Variants in RBFOX1 observed in about 807,000 individuals in gnomAD.
The protein encoded by RBFOX1 is RNA binding fox-1 homolog 1, also known as RNA binding protein fox-1 homolog 1.
In RBFOX1, 8 loss-of-function variants were observed where a neutral mutation model predicts 57.7. The ratio of observed to expected loss-of-function variants is 0.14; its 90% CI spans 0.08 to 0.25. The LOEUF is 0.25. Among genes scored for constraint, RBFOX1 ranks in the 10% least tolerant of loss-of-function variants. The pLI is 1.00. For missense variants in RBFOX1, 611 were observed against 548.5 expected, an observed-to-expected ratio of 1.11 and a Z score of -1.14; for synonymous variants, 326 against 222.4, an observed-to-expected ratio of 1.47 and a Z score of -4.15.
At chr16:7,312,553 G>A (rs188518916) in intron 4 of RBFOX1, among the ~76,000 whole-genome samples, 284 of 152,234 alleles carry the variant, frequency 1.9e-3, no homozygotes, top group Non-Finnish European at 2.6e-3. Flanking sequence ...GTGTCACTCC[G>A]GGTCTTCTTG....
chr16:5,836,037 C>T (rs1437192714), intron 3 of RBFOX1, among the ~76,000 whole-genome samples: 2 of 152,180 alleles, frequency 1.3e-5, no homozygotes, highest in African/African-American at 2.4e-5. Context: ...CAGATTAGTC[C>T]CTGCCAGAAG....
chr16:6,866,541 A>AATTTTTTTT lies in RBFOX1; in HGVS notation c.-15-185516_-15-185515insATTTTTTTT, dbSNP rs761820657. Among the ~76,000 whole-genome samples, 306 of 78,848 alleles carry AATTTTTTTT rather than the reference A, an allele frequency of 3.9e-3. 11 individuals carry two copies. Among genetic ancestry groups the AATTTTTTTT allele is most frequent in the African/African-American group, 0.016 (288 of 17,802 alleles). 51.7% of individuals were successfully genotyped at this position (78,848 alleles called of 152,430 possible). ...TAAGGTTAGGGCTTTCTTTCCTTCT[A>AATTTTTTTT]TTTTTTTTTTTTTTTTTTGAGTTGG... On this transcript the variant is annotated intron_variant, in intron 3 of 15. Coordinates refer to ENST00000550418, the MANE Select transcript of RBFOX1 (RefSeq NM_018723.4).
chr16:6,062,675 A>C (rs1180004417), intron 1 of RBFOX1, among the ~76,000 whole-genome samples: 1 of 146,896 alleles, frequency 6.8e-6, no homozygotes, highest in Non-Finnish European at 1.5e-5. Context: ...ATAGATATAT[A>C]TCTATATATG....
intron 4 of RBFOX1, among the ~76,000 whole-genome samples, chr16:7,394,740 T>C (rs1209704794): frequency 1.3e-5 from 2 of 152,120 alleles, no homozygotes; most frequent in Admixed American, 1.3e-4. Context: ...CAGTTTGAAT[T>C]CTCCTTTGTA....
intron 10 of RBFOX1, among the ~76,000 whole-genome samples, chr16:7,612,267 G>A (rs534028498): frequency 7.4e-6 from 1 of 135,114 alleles, no homozygotes; most frequent in African/African-American, 2.9e-5. Context: ...CTTGCAGTGA[G>A]CCCAGATCGC....
In RBFOX1 at chr16:5,984,874, A is replaced by G. The variant is rs1456004025; in HGVS notation, c.351+117539A>G. Among the ~76,000 whole-genome samples the G allele has an allele frequency of 4.0e-5, 6 of 150,962 alleles. No homozygotes were observed. In the East Asian group the frequency reaches 9.7e-4, roughly 24 times the overall value. On this transcript the variant is annotated intron_variant, in intron 4 of 19. Coordinates refer to the RBFOX1 transcript ENST00000641259. ...ACAGTGGTCACATTTGTGAATCAAAACACACCTAAACATAGAAAAGGTACA... is the reference window on the plus strand; with the variant it reads ...ACAGTGGTCACATTTGTGAATCAAAGCACACCTAAACATAGAAAAGGTACA...
chr16:5,552,494 T>C (rs1157393391), intron 2 of RBFOX1, among the ~76,000 whole-genome samples: 1 of 152,194 alleles, frequency 6.6e-6, no homozygotes, highest in Non-Finnish European at 1.5e-5. Context: ...CAGGAAAGTT[T>C]AGTAACTTAC....
In RBFOX1 at chr16:7,653,790, C is replaced by CTG. The variant is rs754501434; in HGVS notation, c.758-24_758-23insGT. On this transcript the variant is annotated intron_variant, in intron 11 of 15. Coordinates refer to ENST00000550418, the MANE Select transcript of RBFOX1 (RefSeq NM_018723.4). The stretch of plus-strand genomic sequence containing the variant: ...GTGCATCTGACAGCCTGTGCTCTCT[C>CTG]TCTCTCTCTCCTCTTGCCCCGCAGT... 1.3e-3 allele frequency: 2,017 copies of CTG among 1,607,184 alleles called. 31 individuals are homozygous for CTG. The highest frequency in any genetic ancestry group is 2.7e-3 in the Middle Eastern group (16 of 6,026).
At chr16:6,300,708 A>G (rs1037230539) in intron 1 of RBFOX1, among the ~76,000 whole-genome samples, 2 of 152,138 alleles carry the variant, frequency 1.3e-5, no homozygotes, top group African/African-American at 4.8e-5. Context: ...TCTAGCTTGT[A>G]GCCCTACTCT....
intron 1 of RBFOX1, among the ~76,000 whole-genome samples, chr16:6,113,177 C>A (rs1242695443): frequency 6.6e-6 from 1 of 152,176 alleles, no homozygotes; most frequent in South Asian, 2.1e-4. Context: ...TGGTGTCTTT[C>A]ATCCTCCTTA....
intron 1 of RBFOX1, among the ~76,000 whole-genome samples, chr16:6,212,843 T>A (rs1239120021): frequency 6.6e-6 from 1 of 152,204 alleles, no homozygotes; most frequent in Non-Finnish European, 1.5e-5. Flanking sequence ...ACCCTATTTG[T>A]AACCTGAAAA....
chr16:5,956,163 C>T (rs1310782286), intron 4 of RBFOX1, among the ~76,000 whole-genome samples: 1 of 152,084 alleles, frequency 6.6e-6, no homozygotes, highest in Non-Finnish European at 1.5e-5. Context: ...GTACCCTCAG[C>T]TGCTCCAGAG....
intron 4 of RBFOX1, among the ~76,000 whole-genome samples, chr16:7,504,803 T>TTATATA: frequency 1.5e-5 from 1 of 66,826 alleles, no homozygotes; most frequent in Non-Finnish European, 2.6e-5. Flanking sequence ...ATATATATAT[T>TTATATA]TATATATATA....
intron 13 of RBFOX1, among the ~76,000 whole-genome samples, chr16:7,675,146 C>T (rs995261741): frequency 6.6e-6 from 1 of 152,172 alleles, no homozygotes; most frequent in African/African-American, 2.4e-5. Context: ...ACACCTGTAT[C>T]TTTCTGTGAA....
chr16:6,612,300 A>G (rs1020186102), intron 2 of RBFOX1, among the ~76,000 whole-genome samples: 2 of 152,150 alleles, frequency 1.3e-5, no homozygotes, highest in Non-Finnish European at 2.9e-5. Flanking sequence ...AAACTAAGAA[A>G]CCAACTTTGG....
intron 4 of RBFOX1, among the ~76,000 whole-genome samples, chr16:7,487,671 G>A (rs906285013): frequency 2.6e-5 from 4 of 152,034 alleles, no homozygotes; most frequent in East Asian, 1.9e-4. Context: ...AGCACCACAC[G>A]CACAGACACT....
At chr16:6,112,197 T>C (rs998554528) in intron 1 of RBFOX1, among the ~76,000 whole-genome samples, 16 of 152,162 alleles carry the variant, frequency 1.1e-4, no homozygotes, top group Non-Finnish European at 1.9e-4. Flanking sequence ...TTCTGTGGAC[T>C]TTAAGAACTT....
chr16:6,592,727 T>A (rs944387607), intron 2 of RBFOX1, among the ~76,000 whole-genome samples: 1 of 152,190 alleles, frequency 6.6e-6, no homozygotes, highest in Admixed American at 6.5e-5. Flanking sequence ...CCCACCTGTG[T>A]GTAGATGTGC....
Position 7,653,934 on chromosome 16 carries a change from C to T in RBFOX1, c.877C>T (p.Pro293Ser). The T allele has an allele frequency of 6.5e-7, 1 of 1,544,426 alleles. No homozygotes were observed. The highest frequency in any genetic ancestry group is 8.7e-7 in the Non-Finnish European group (1 of 1,152,904). ...GGCCGCGGCGCCCCCGCCCCCGATCCCGGCCTACGGCGGGTAAGTGGGGCA... is the reference window on the plus strand; with the variant it reads ...GGCCGCGGCGCCCCCGCCCCCGATCTCGGCCTACGGCGGGTAAGTGGGGCA... ...FRAAAPPPPI[P>S]AYGGVVYQDG... Residue 293 changes from proline to serine, a missense_variant, in exon 12 of 16, where the codon CCG (proline) becomes TCG (serine). Coordinates refer to ENST00000550418, the MANE Select transcript of RBFOX1 (RefSeq NM_018723.4).
Sources: allele counts gnomAD v4.1 joint callset (sites outside exome capture counted in the v4.1 genomes callset), GRCh38; gene constraint gnomAD v4.1.1; transcripts MANE v1.5; gene names NCBI Gene and HGNC (gene_info 2026-07-23, HGNC 2026-07-21).